The following ATG7 variants were observed in gnomAD, a reference collection of about 807,000 sequenced individuals.
ATG7 encodes ubiquitin-like modifier-activating enzyme ATG7.
ATG7 carries 70 observed loss-of-function variants against 82.4 expected under a neutral mutation model. That is an observed-to-expected ratio of 0.85 (90% CI 0.70 to 1.04). ATG7 has a LOEUF of 1.04. Among genes scored for constraint, ATG7 ranks in the 50% least tolerant of loss-of-function variants. ATG7 has a pLI of 0.00. For missense variants in ATG7, 792 were observed against 864.3 expected (o/e 0.92, Z 1.05); for synonymous variants, 287 against 313.0 (o/e 0.92, Z 0.88).
At position 11,278,829 on chromosome 3, in the gene ATG7, G is replaced by T. The variant is rs1182861074; in HGVS notation, c.-365-2165G>T. Among the ~76,000 whole-genome samples the T allele has an allele frequency of 2.6e-5, 4 of 152,226 alleles. No homozygotes were observed. In the South Asian group the frequency reaches 8.3e-4, roughly 32 times the overall value. Reference sequence around the variant, plus strand: ...GCATACGTGCTATGAAGGTAAGGTAGTTGGTGCTCTTTGAGGACTAGAATA... The same window carrying T: ...GCATACGTGCTATGAAGGTAAGGTATTTGGTGCTCTTTGAGGACTAGAATA... On this transcript the variant is annotated intron_variant, in intron 1 of 20. Transcript: ENST00000693202.
intron 3 of ATG7, among the ~76,000 whole-genome samples, chr3:11,296,573 G>C (rs2152686303): frequency 6.6e-6 from 1 of 152,308 alleles, no homozygotes; most frequent in Admixed American, 6.5e-5. Context: ...TTACCATGCA[G>C]GACTGCCACT....
At chr3:11,405,736 TC>T in intron 19 of ATG7, among the ~76,000 whole-genome samples, 1 of 152,106 alleles carries the variant, frequency 6.6e-6, no homozygotes, top group Non-Finnish European at 1.5e-5. Flanking sequence ...CAGGTGATTC[TC>T]CCACTTCAGC....
chr3:11,508,246 G>A (rs2091853739), intron 20 of ATG7, among the ~76,000 whole-genome samples: 1 of 151,896 alleles, frequency 6.6e-6, no homozygotes, highest in Admixed American at 6.6e-5. Flanking sequence ...AGGTGGGGGG[G>A]TGTCCAATCT....
chr3:11,395,374 G>C (rs1362638442), intron 19 of ATG7, among the ~76,000 whole-genome samples: 1 of 152,126 alleles, frequency 6.6e-6, no homozygotes, highest in East Asian at 1.9e-4. Context: ...AAAACCTGAA[G>C]CCTCAAATCC....
chr3:11,289,774 C>T (rs1944663831), intron 3 of ATG7, among the ~76,000 whole-genome samples: 1 of 152,020 alleles, frequency 6.6e-6, no homozygotes, highest in Non-Finnish European at 1.5e-5. Flanking sequence ...TGCCCAGGCT[C>T]GTCTCAAACT....
At chr3:11,551,719 T>G (rs59587667) in intron 20 of ATG7, among the ~76,000 whole-genome samples, 1 of 148,716 alleles carries the variant, frequency 6.7e-6, no homozygotes, top group African/African-American at 2.5e-5. Context: ...CACGAGCCGC[T>G]GTGCCCAGCC....
the ATG7 span, among the ~76,000 whole-genome samples, chr3:11,573,316 G>GAAGGAAGAAAGA: frequency 1.9e-4 from 4 of 20,748 alleles, no homozygotes; most frequent in African/African-American, 3.2e-4. Flanking sequence ...AGGAAGGAAG[G>GAAGGAAGAAAGA]AAGAAAGAAA....
rs536709598 is a variant in ATG7 at position 11,501,940 on chromosome 3, C to T, written c.2080-52871C>T. Among the ~76,000 whole-genome samples, 288 of 152,212 alleles carry T rather than the reference C, an allele frequency of 1.9e-3. 1 individual carries two copies. Among genetic ancestry groups the T allele is most frequent in the Non-Finnish European group, 3.0e-3 (201 of 67,994 alleles). On this transcript the variant is annotated intron_variant, in intron 20 of 20. Transcript: ENST00000693202. ...CCTGACCTCAGTTGATCCCCTGCCT[C>T]GGCCTCCCAAAGTGCTGGGATTACA... is the stretch of plus-strand genomic sequence containing the variant.
intron 20 of ATG7, chr3:11,488,422 G>A (rs529858105): frequency 3.6e-5 from 44 of 1,228,846 alleles, no homozygotes; most frequent in African/African-American, 8.1e-5. Flanking sequence ...CCATCCTCCC[G>A]GCGGTCGGGC....
At chr3:11,340,101 T>C (rs912360110) in intron 11 of ATG7, among the ~76,000 whole-genome samples, 23 of 152,102 alleles carry the variant, frequency 1.5e-4, no homozygotes, top group African/African-American at 5.6e-4. Context: ...AACTTCTGAA[T>C]GGATAAAGAT....
intron 19 of ATG7, among the ~76,000 whole-genome samples, chr3:11,380,879 C>T (rs1360761029): frequency 3.9e-5 from 6 of 152,188 alleles, no homozygotes; most frequent in Non-Finnish European, 8.8e-5. Flanking sequence ...CTGTCTGCCA[C>T]TGTGGAAGAA....
chr3:11,304,003 A>T (rs1163465950), intron 5 of ATG7, among the ~76,000 whole-genome samples: 1 of 151,770 alleles, frequency 6.6e-6, no homozygotes, highest in Non-Finnish European at 1.5e-5. Flanking sequence ...AGGCAGGAGA[A>T]AGGCGTGAAC....
chr3:11,572,718 G>C, the ATG7 span, among the ~76,000 whole-genome samples: 1 of 152,046 alleles, frequency 6.6e-6, no homozygotes, highest in Non-Finnish European at 1.5e-5. Context: ...CCCTCATGTT[G>C]GTCTTGGAGC....
chr3:11,279,449 GCCGAGGCGGGTGGAT>G (rs1409249708), intron 1 of ATG7, among the ~76,000 whole-genome samples: 1 of 152,218 alleles, frequency 6.6e-6, no homozygotes, highest in Non-Finnish European at 1.5e-5. Flanking sequence ...ACTTTGGGAG[GCCGAGGCGGGTGGAT>G]CACAAGGTCA....
At chr3:11,519,323 G>A (rs1179985514) in intron 20 of ATG7, among the ~76,000 whole-genome samples, 1 of 152,056 alleles carries the variant, frequency 6.6e-6, no homozygotes, top group Non-Finnish European at 1.5e-5. Flanking sequence ...GAAATAAATA[G>A]GCGAAGGTAA....
At chr3:11,355,584 C>G (rs1344665123) in intron 14 of ATG7, among the ~76,000 whole-genome samples, 1 of 152,074 alleles carries the variant, frequency 6.6e-6, no homozygotes, top group African/African-American at 2.4e-5. Context: ...TGGTGAAGAT[C>G]TATGAATGGC....
At chr3:11,295,329 T>C (rs765318409) in intron 3 of ATG7, among the ~76,000 whole-genome samples, 4 of 152,232 alleles carry the variant, frequency 2.6e-5, no homozygotes, top group South Asian at 2.1e-4. Context: ...CTTTTCAGTT[T>C]TTTTAAGACC....
chr3:11,352,597 C>T (rs367919727), intron 14 of ATG7, among the ~76,000 whole-genome samples: 20 of 152,338 alleles, frequency 1.3e-4, no homozygotes, highest in East Asian at 9.6e-4. Context: ...CTTCATTCAA[C>T]AGATACTTAT....
downstream of ATG7, chr3:11,558,419 C>A: frequency 1.5e-6 from 2 of 1,358,860 alleles, no homozygotes; most frequent in Non-Finnish European, 1.9e-6. Flanking sequence ...CAAATCCCAA[C>A]AACATGGTTT....
Sources: allele counts gnomAD v4.1 joint callset (sites outside exome capture counted in the v4.1 genomes callset), GRCh38; gene constraint gnomAD v4.1.1; transcripts MANE v1.5; gene names NCBI Gene and HGNC (gene_info 2026-07-23, HGNC 2026-07-21).